METTL25: variants seen among roughly 807,000 people sequenced by gnomAD.
METTL25 encodes methyltransferase like 25.
Under a neutral mutation model 71.6 loss-of-function variants are expected in METTL25, and 64 were observed. The observed-to-expected ratio is 0.89, with a 90% confidence interval of 0.73 to 1.10. The LOEUF (loss-of-function observed/expected upper bound fraction) is 1.10. Among genes scored for constraint, METTL25 ranks in the 50% least tolerant of loss-of-function variants. METTL25 has a pLI of 0.00. For missense variants in METTL25, 807 were observed against 707.0 expected (o/e 1.14, Z -1.60); for synonymous variants, 287 against 250.3 (o/e 1.15, Z -1.38).
intron 5 of METTL25, among the ~76,000 whole-genome samples, chr12:82,415,773 A>G (rs1887932040): frequency 6.6e-6 from 1 of 152,150 alleles, no homozygotes. Context: ...TGCTTTATTC[A>G]GACCTCATTC....
At chr12:82,440,414 C>G (rs767031679) in intron 8 of METTL25, among the ~76,000 whole-genome samples, 5 of 151,990 alleles carry the variant, frequency 3.3e-5, no homozygotes, top group African/African-American at 1.2e-4. Context: ...CAATTCTATT[C>G]TTTTCTTCTT....
chr12:82,456,634 C>T, intron 8 of METTL25, 93 bp from the exon 9 acceptor site: 1 of 677,962 alleles, frequency 1.5e-6, no homozygotes, highest in Non-Finnish European at 2.4e-6. Context: ...GCTATATCCA[C>T]AGAAAATATT....
intron 2 of METTL25, among the ~76,000 whole-genome samples, chr12:82,388,234 G>A (rs1267643023): frequency 6.6e-6 from 1 of 151,966 alleles, no homozygotes; most frequent in African/African-American, 2.4e-5. Flanking sequence ...TTACTCACTT[G>A]GTAAAGGTGG....
chr12:82,405,044 C>G (rs571485972), intron 5 of METTL25, among the ~76,000 whole-genome samples: 74 of 152,278 alleles, frequency 4.9e-4, no homozygotes, highest in African/African-American at 1.7e-3. Flanking sequence ...ATCATCATTG[C>G]CCCCAAGGAT....
intron 3 of METTL25, among the ~76,000 whole-genome samples, chr12:82,390,597 A>G (rs940146155): frequency 6.6e-6 from 1 of 152,066 alleles, no homozygotes; most frequent in African/African-American, 2.4e-5. Context: ...AATTTTTATT[A>G]GGTATTAGAA....
intron 1 of METTL25, among the ~76,000 whole-genome samples, chr12:82,385,170 T>A (rs1884857126): frequency 6.6e-6 from 1 of 152,180 alleles, no homozygotes. Context: ...TTTATTCATA[T>A]TAATGAATTT....
intron 5 of METTL25, among the ~76,000 whole-genome samples, chr12:82,408,218 C>A (rs1887252136): frequency 6.6e-6 from 1 of 152,016 alleles, no homozygotes; most frequent in Admixed American, 6.6e-5. Flanking sequence ...GATATATGTT[C>A]AAGATTATTT....
At chr12:82,439,891 A>T in intron 8 of METTL25, 2 of 833,132 alleles carry the variant, frequency 2.4e-6, no homozygotes, top group Non-Finnish European at 2.9e-6. Context: ...GACTTCTTAA[A>T]TTTGTTTCTG....
intron 7 of METTL25, among the ~76,000 whole-genome samples, chr12:82,437,083 G>GA (rs1889975823): frequency 6.6e-6 from 1 of 151,524 alleles, no homozygotes; most frequent in South Asian, 2.1e-4. Context: ...TTCAAGATGA[G>GA]AAAATCTCAA....
chr12:82,419,266 A>G (rs976866201), intron 5 of METTL25, among the ~76,000 whole-genome samples: 3 of 152,160 alleles, frequency 2.0e-5, no homozygotes, highest in Admixed American at 2.0e-4. Context: ...GATTTAAGGC[A>G]GGAAGAGATA....
chr12:82,428,491 A>G (rs1183954931), intron 5 of METTL25, among the ~76,000 whole-genome samples: 1 of 151,900 alleles, frequency 6.6e-6, no homozygotes, highest in Admixed American at 6.6e-5. Context: ...AGCAATAATC[A>G]TGTCTCACTT....
At position 82,389,889 on chromosome 12, in the gene METTL25, C is replaced by T. The variant is rs10778908; in HGVS notation, c.498C>T (p.Ile166=). 0.96 allele frequency: 1,527,761 copies of T among 1,599,312 alleles called. 730,728 individuals are homozygous for T. The highest frequency in any genetic ancestry group is 1 in the East Asian group (44,414 of 44,420). ...SHEVQAMSEL[I]SSIADYYGIK... ...AAGTTCAGGCAATGTCAGAGCTGAT[C>T]AGCAGTATTGCTGACTACTATGGAA... Residue 166 remains isoleucine, a synonymous_variant, in exon 3 of 12, where the codon ATC becomes ATT. Transcript: ENST00000248306.
At chr12:82,464,843 C>A (rs547431377) in intron 9 of METTL25, among the ~76,000 whole-genome samples, 2 of 151,136 alleles carry the variant, frequency 1.3e-5, no homozygotes, top group Non-Finnish European at 3.0e-5. Flanking sequence ...TAAATTTATT[C>A]GTATATATTT....
chr12:82,460,861 A>G (rs1278989761), intron 9 of METTL25, among the ~76,000 whole-genome samples: 1 of 152,194 alleles, frequency 6.6e-6, no homozygotes, highest in African/African-American at 2.4e-5. Flanking sequence ...ACCATATTGT[A>G]GGCCGGGCGC....
At chr12:82,406,458 T>C (rs900573126) in intron 5 of METTL25, among the ~76,000 whole-genome samples, 2 of 152,172 alleles carry the variant, frequency 1.3e-5, no homozygotes, top group African/African-American at 4.8e-5. Context: ...TTTTTCCACA[T>C]AATATATTTT....
At chr12:82,436,750 G>T (rs1889945780) in intron 7 of METTL25, among the ~76,000 whole-genome samples, 1 of 151,356 alleles carries the variant, frequency 6.6e-6, no homozygotes, top group Non-Finnish European at 1.5e-5. Flanking sequence ...AAGTTATCTT[G>T]ATACCATTTA....
intron 2 of METTL25, among the ~76,000 whole-genome samples, chr12:82,389,132 T>C (rs1885337661): frequency 6.6e-6 from 1 of 152,072 alleles, no homozygotes; most frequent in Non-Finnish European, 1.5e-5. Context: ...GCCATTTTAA[T>C]ATACTTTATA....
intron 5 of METTL25, among the ~76,000 whole-genome samples, chr12:82,427,693 G>A (rs935234147): frequency 3.3e-5 from 5 of 151,872 alleles, no homozygotes; most frequent in African/African-American, 7.2e-5. Context: ...AGACTTCTGT[G>A]TTAATTAGAA....
chr12:82,370,538 T>C (rs967245812), intron 1 of METTL25, among the ~76,000 whole-genome samples: 4 of 152,218 alleles, frequency 2.6e-5, no homozygotes, highest in Non-Finnish European at 5.9e-5. Flanking sequence ...AGAGTCCTCC[T>C]TTCTCAGCAG....
Sources: allele counts gnomAD v4.1 joint callset (sites outside exome capture counted in the v4.1 genomes callset), GRCh38; gene constraint gnomAD v4.1.1; transcripts MANE v1.5; gene names NCBI Gene and HGNC (gene_info 2026-07-23, HGNC 2026-07-21).